RNF180: variants seen among roughly 807,000 people sequenced by gnomAD.
RNF180 encodes the protein E3 ubiquitin-protein ligase RNF180.
In RNF180, 38 loss-of-function variants were observed where a neutral mutation model predicts 59.2. The observed-to-expected ratio is 0.64, with a 90% CI of 0.50 to 0.84. The LOEUF (loss-of-function observed/expected upper bound fraction) is 0.84, where lower values mean the gene tolerates loss of function less well. Ranked by LOEUF, RNF180 falls within the 40% of genes least tolerant of loss-of-function variation. RNF180 has a pLI of 0.00. For missense variants in RNF180, 705 were observed against 700.9 expected (o/e 1.01, Z -0.07); for synonymous variants, 262 against 240.3 (o/e 1.09, Z -0.84).
chr5:64,256,119 G>C (rs1255505771), intron 5 of RNF180, among the ~76,000 whole-genome samples: 5 of 152,062 alleles, frequency 3.3e-5, no homozygotes, highest in African/African-American at 9.7e-5. Flanking sequence ...CAGATGAGTA[G>C]ATTGCAAAAA....
At chr5:64,229,041 C>T (rs1741956773) in intron 5 of RNF180, among the ~76,000 whole-genome samples, 1 of 151,384 alleles carries the variant, frequency 6.6e-6, no homozygotes, top group Non-Finnish European at 1.5e-5. Context: ...CTCACCTCAG[C>T]CCCCCAAGTA....
chr5:64,355,469 TTAAGA>T (rs1398105526), intron 7 of RNF180, among the ~76,000 whole-genome samples: 8 of 151,930 alleles, frequency 5.3e-5, no homozygotes, highest in African/African-American at 1.7e-4. Context: ...TTTAATACTG[TTAAGA>T]TATCAGTACT....
At chr5:64,242,310 G>T (rs1404904518) in intron 5 of RNF180, among the ~76,000 whole-genome samples, 1 of 152,200 alleles carries the variant, frequency 6.6e-6, no homozygotes, top group East Asian at 1.9e-4. Flanking sequence ...CAGCTGTGCA[G>T]AGATCAGTGC....
At chr5:64,200,235 C>G (rs939174804) in intron 1 of RNF180, among the ~76,000 whole-genome samples, 1 of 152,062 alleles carries the variant, frequency 6.6e-6, no homozygotes, top group Non-Finnish European at 1.5e-5. Flanking sequence ...GAATTTGATA[C>G]TAGCCTGTGC....
chr5:64,319,163 A>G (rs529910143), intron 5 of RNF180, among the ~76,000 whole-genome samples: 10 of 149,242 alleles, frequency 6.7e-5, no homozygotes, highest in Non-Finnish European at 1.2e-4. Flanking sequence ...TGTGAACCTA[A>G]AACTGTTGTT....
At chr5:64,239,352 T>C (rs1246897503) in intron 5 of RNF180, among the ~76,000 whole-genome samples, 2 of 152,178 alleles carry the variant, frequency 1.3e-5, no homozygotes, top group Non-Finnish European at 2.9e-5. Flanking sequence ...TGCTTTCAGC[T>C]GTTTTGTTCT....
chr5:64,175,260 C>A (rs1750172489), intron 1 of RNF180, among the ~76,000 whole-genome samples: 1 of 152,180 alleles, frequency 6.6e-6, no homozygotes, highest in African/African-American at 2.4e-5. Context: ...AGCCACTGTG[C>A]CTCGCCAATC....
At chr5:64,250,901 A>C (rs1743527875) in intron 5 of RNF180, among the ~76,000 whole-genome samples, 1 of 152,168 alleles carries the variant, frequency 6.6e-6, no homozygotes, top group Non-Finnish European at 1.5e-5. Flanking sequence ...ACACACTACA[A>C]TAAAAAGAGA....
At chr5:64,306,863 T>A (rs990143986) in intron 5 of RNF180, among the ~76,000 whole-genome samples, 4 of 151,238 alleles carry the variant, frequency 2.6e-5, no homozygotes, top group African/African-American at 9.7e-5. Flanking sequence ...TTAGGAGATA[T>A]ACCTAATGCT....
intron 5 of RNF180, among the ~76,000 whole-genome samples, chr5:64,305,478 A>AT (rs532504332): frequency 2.1e-4 from 31 of 147,018 alleles, no homozygotes; most frequent in South Asian, 4.3e-4. Context: ...ATGTTACTGA[A>AT]TTTTTTTTTT....
At chr5:64,365,410 T>A (rs191181982) in intron 7 of RNF180, among the ~76,000 whole-genome samples, 2 of 151,908 alleles carry the variant, frequency 1.3e-5, no homozygotes, top group East Asian at 3.9e-4. Flanking sequence ...GGAACTGTTT[T>A]ATGTTCAATT....
At chr5:64,245,910 G>A (rs558779659) in intron 5 of RNF180, among the ~76,000 whole-genome samples, 1 of 152,102 alleles carries the variant, frequency 6.6e-6, no homozygotes, top group Admixed American at 6.5e-5. Flanking sequence ...AAATCATAAC[G>A]AACAGTCTCT....
At chr5:64,219,515 T>C (rs959112449) in intron 5 of RNF180, among the ~76,000 whole-genome samples, 1 of 151,944 alleles carries the variant, frequency 6.6e-6, no homozygotes, top group Non-Finnish European at 1.5e-5. Context: ...ATAATGAGGA[T>C]AACATTTTTT....
chr5:64,194,861 C>G (rs1484719952), intron 1 of RNF180, among the ~76,000 whole-genome samples: 1 of 151,880 alleles, frequency 6.6e-6, no homozygotes, highest in African/African-American at 2.4e-5. Flanking sequence ...TTGTTTTTTT[C>G]TTGTTTACAA....
At chr5:64,215,499 TTCTA>T (rs1466861781) in intron 4 of RNF180, among the ~76,000 whole-genome samples, 2 of 152,160 alleles carry the variant, frequency 1.3e-5, no homozygotes, top group Non-Finnish European at 2.9e-5. Context: ...GTATAATTAT[TTCTA>T]TAGGTAATTT....
chr5:64,198,483 T>C (rs552244303), intron 1 of RNF180, among the ~76,000 whole-genome samples: 2 of 152,344 alleles, frequency 1.3e-5, no homozygotes, highest in Admixed American at 1.3e-4. Flanking sequence ...GAATACAGTT[T>C]TCAGTGTTTA....
intron 5 of RNF180, among the ~76,000 whole-genome samples, chr5:64,307,191 GC>G (rs987108686): frequency 1.3e-5 from 2 of 148,918 alleles, no homozygotes; most frequent in African/African-American, 4.9e-5. Context: ...TATAAGACAA[GC>G]CCCCAGGAAA....
chr5:64,208,837 T>A (rs1181824593), intron 2 of RNF180, among the ~76,000 whole-genome samples: 1 of 149,760 alleles, frequency 6.7e-6, no homozygotes, highest in Non-Finnish European at 1.5e-5. Context: ...AAGAAAAAAA[T>A]ATATGCTGTT....
intron 7 of RNF180, among the ~76,000 whole-genome samples, chr5:64,344,545 T>C (rs916750943): frequency 8.6e-5 from 13 of 151,844 alleles, no homozygotes; most frequent in African/African-American, 3.1e-4. Flanking sequence ...ACACACACAA[T>C]GATGGTGTAC....
Sources: gnomAD v4.1 joint callset for allele counts (sites outside exome capture counted in the v4.1 genomes callset) on GRCh38, gnomAD v4.1.1 for gene constraint, MANE v1.5 for transcripts, NCBI Gene and HGNC (gene_info 2026-07-23, HGNC 2026-07-21) for gene names.